The following ENTPD5 variants were observed in gnomAD, a reference collection of about 807,000 sequenced individuals.
ENTPD5 encodes nucleoside diphosphate phosphatase ENTPD5.
A neutral mutation model predicts 60.2 loss-of-function variants in ENTPD5; 49 were observed. The observed-to-expected ratio is 0.81, with a 90% CI of 0.65 to 1.03. The LOEUF (loss-of-function observed/expected upper bound fraction) is 1.03, where lower values mean the gene tolerates loss of function less well. ENTPD5 is among the 50% of genes least tolerant of loss of function. The probability of loss-of-function intolerance (pLI) is 0.00; values close to 1 mark genes in which losing one functional copy is unlikely to be tolerated. For synonymous variants in ENTPD5, 187 were observed against 185.4 expected, an observed-to-expected ratio of 1.01 and a Z score of -0.07; for missense variants, 480 against 507.6, an observed-to-expected ratio of 0.95 and a Z score of 0.52.
At chr14:73,967,063 T>C in intron 15 of ENTPD5, 49 bp from the exon 16 acceptor site, 1 of 1,502,846 alleles carries the variant, frequency 6.7e-7, no homozygotes, top group Non-Finnish European at 9.3e-7. Context: ...TTTCCAACTC[T>C]AGCAAGCACA....
chr14:73,967,162 T>C (rs1594833476), intron 15 of ENTPD5, 148 bp from the exon 16 acceptor site: 5 of 638,040 alleles, frequency 7.8e-6, no homozygotes, highest in African/African-American at 3.6e-5. Context: ...GGCTTCCCAC[T>C]ACTCTGTAAC....
At chr14:74,013,414 C>T (rs747850468) in intron 2 of ENTPD5, among the ~76,000 whole-genome samples, 1 of 152,106 alleles carries the variant, frequency 6.6e-6, no homozygotes, top group Non-Finnish European at 1.5e-5. Flanking sequence ...GCCCATGGGC[C>T]GCATGTAGCC....
chr14:73,973,145 G>T, intron 12 of ENTPD5, 121 bp from the exon 13 acceptor site: 1 of 1,218,160 alleles, frequency 8.2e-7, no homozygotes, highest in Non-Finnish European at 1.2e-6. Context: ...AGCAGGAGAA[G>T]GCTGAGGCTT....
chr14:73,974,796 T>C (rs149033575), intron 11 of ENTPD5, 128 bp downstream of exon 11: 41 of 767,538 alleles, frequency 5.3e-5, no homozygotes, highest in Middle Eastern at 4.8e-4. Flanking sequence ...AGGTCCATTA[T>C]ACAACATTTG....
At chr14:73,976,088 C>T in intron 9 of ENTPD5, 73 bp from the exon 10 acceptor site, 1 of 1,259,830 alleles carries the variant, frequency 7.9e-7, no homozygotes, top group Admixed American at 1.8e-5. Flanking sequence ...CACCACCCGT[C>T]CCTCCCAGCA....
At chr14:73,982,882 T>C (rs2057749524) in intron 6 of ENTPD5, 136 bp downstream of exon 6, 3 of 788,892 alleles carry the variant, frequency 3.8e-6, no homozygotes, top group Non-Finnish European at 6.1e-6. Flanking sequence ...CTATAACAAG[T>C]GGTCAGAGTC....
chr14:73,974,684 T>C (rs2057364917), intron 11 of ENTPD5, among the ~76,000 whole-genome samples: 1 of 152,204 alleles, frequency 6.6e-6, no homozygotes, highest in South Asian at 2.1e-4. Flanking sequence ...TGCCTAGACA[T>C]AGGCTGTTAC....
downstream of ENTPD5, among the ~76,000 whole-genome samples, chr14:73,962,452 A>C (rs1253711719): frequency 6.6e-6 from 1 of 152,142 alleles, no homozygotes; most frequent in East Asian, 1.9e-4. Flanking sequence ...CTAGCTATTC[A>C]GGAGACTGAG....
Position 73,988,180 on chromosome 14 carries a change from G to A in ENTPD5, c.-70-8C>T. ...CTCGCACACCTGCAGAGGCTTATAG[G>A]ACAAAGACACACAAGTTAGACCAAC... is the stretch of plus-strand genomic sequence containing the variant. On this transcript the variant is annotated splice_region_variant and splice_polypyrimidine_tract_variant and intron_variant, in intron 3 of 15. Transcript: ENST00000334696. The A allele has an allele frequency of 2.0e-6, 3 of 1,504,548 alleles. No homozygotes were observed. The highest frequency in any genetic ancestry group is 1.8e-6 in the Non-Finnish European group (2 of 1,125,158). 93.2% of individuals were successfully genotyped at this position (1,504,548 alleles called of 1,614,324 possible). A position where few individuals can be genotyped will look rare whatever the true frequency, so the allele number is the denominator to read the frequency against.
chr14:73,980,109 G>A (rs539831055), intron 6 of ENTPD5, among the ~76,000 whole-genome samples: 3 of 151,920 alleles, frequency 2.0e-5, no homozygotes, highest in Admixed American at 1.3e-4. Flanking sequence ...ACCATGCCCA[G>A]CTAATTTTTG....
At chr14:73,956,125 C>A, downstream of ENTPD5, 1 of 589,522 alleles carries the variant, frequency 1.7e-6, no homozygotes, top group Non-Finnish European at 3.0e-6. Flanking sequence ...GAGATGGAGA[C>A]CATCCTGGCT....
chr14:74,011,625 C>CGA (rs2058848490), intron 2 of ENTPD5, among the ~76,000 whole-genome samples: 2 of 152,088 alleles, frequency 1.3e-5, no homozygotes, highest in African/African-American at 2.4e-5. Context: ...GGCGAAACTC[C>CGA]ATCTCTACAA....
intron 2 of ENTPD5, among the ~76,000 whole-genome samples, chr14:74,013,433 T>C (rs73303112): frequency 0.23 from 34,775 of 152,110 alleles, 4,861 homozygotes; most frequent in East Asian, 0.76. Flanking sequence ...CCCAGGATGG[T>C]TTTGAATGCA....
rs1464515534 is a variant in ENTPD5, at chr14:73,977,047, C to T, written c.530G>A (p.Trp177Ter). Residue 177 changes from tryptophan to a stop codon, truncating the protein, a stop_gained, in exon 8 of 16, where the codon TGG (tryptophan) becomes TAG (stop). Coordinates refer to ENST00000334696, the MANE Select transcript of ENTPD5 (RefSeq NM_001249.5). LOFTEE classifies it high-confidence loss of function. ...MDGSDEGILA[W>*]VTVNFLTGQL... ...ACCTGTCAGAAAATTCACAGTAACC[C>T]AAGCTAATATGCCTAAAAAGAAAGA... 1.2e-6 allele frequency: 2 copies of T among 1,613,324 alleles called. No homozygotes were observed. Among genetic ancestry groups the T allele is most frequent in the Admixed American group, 1.7e-5 (1 of 59,942 alleles).
downstream of ENTPD5, chr14:73,963,032 G>A: frequency 1.3e-6 from 2 of 1,542,066 alleles, no homozygotes; most frequent in South Asian, 1.1e-5. Flanking sequence ...TTACGTTGAT[G>A]AAAAAGAACA....
intron 3 of ENTPD5, among the ~76,000 whole-genome samples, chr14:74,007,478 C>T (rs758137587): frequency 2.6e-5 from 4 of 151,454 alleles, no homozygotes; most frequent in Admixed American, 6.6e-5. Context: ...GCTGAGATCA[C>T]GCCACTGCAC....
downstream of ENTPD5, among the ~76,000 whole-genome samples, chr14:73,962,430 A>G (rs7147088): frequency 0.4 from 60,814 of 151,588 alleles, 13,228 homozygotes; most frequent in South Asian, 0.49. Flanking sequence ...GTGGTGGCAC[A>G]TGCCTGTAGT....
intron 1 of ENTPD5, among the ~76,000 whole-genome samples, chr14:74,016,975 C>T (rs149955937): frequency 1.3e-5 from 2 of 152,272 alleles, no homozygotes; most frequent in East Asian, 1.9e-4. Flanking sequence ...ATGGCGATTC[C>T]GCCTATGGAC....
downstream of ENTPD5, chr14:73,958,682 C>T: frequency 3.0e-6 from 4 of 1,336,788 alleles, no homozygotes; most frequent in Non-Finnish European, 3.8e-6. Context: ...GTGTGTGCCC[C>T]ATACTGAAAC....
Sources: gnomAD v4.1 joint callset for allele counts (sites outside exome capture counted in the v4.1 genomes callset) on GRCh38, gnomAD v4.1.1 for gene constraint, MANE v1.5 for transcripts, NCBI Gene and HGNC (gene_info 2026-07-23, HGNC 2026-07-21) for gene names.